Variants in KCNIP1 observed in about 807,000 individuals in gnomAD.
KCNIP1 encodes the protein potassium voltage-gated channel interacting protein 1.
A neutral mutation model predicts 33.0 loss-of-function variants in KCNIP1; 18 were observed. The ratio of observed to expected loss-of-function variants is 0.55; its 90% CI spans 0.38 to 0.81. The LOEUF (loss-of-function observed/expected upper bound fraction) is 0.81. Among genes scored for constraint, KCNIP1 ranks in the 30% least tolerant of loss-of-function variants. The pLI, the probability that KCNIP1 is intolerant of heterozygous loss-of-function variation, is 0.00. For missense variants in KCNIP1, 238 were observed against 271.6 expected (o/e 0.88, Z 0.87); for synonymous variants, 93 against 98.3 (o/e 0.95, Z 0.32).
rs200882539 is a variant in KCNIP1, at chr5:170,597,652, C to CG, written c.61+93019_61+93020insG. On this transcript the variant is annotated intron_variant, in intron 1 of 7. Coordinates refer to ENST00000328939, the MANE Select transcript of KCNIP1 (RefSeq NM_014592.4). ...CCTCAAGCAGATTCTCCTTGTCAGA[C>CG]AACACGGGAGGCAGTGTCATGGCTG... Among the ~76,000 whole-genome samples, 1,494 of 152,078 alleles carry CG rather than the reference C, an allele frequency of 9.8e-3. 23 individuals carry two copies. The highest frequency in any genetic ancestry group is 0.034 in the African/African-American group (1,394 of 41,436).
chr5:170,597,820 T>TATATATATATATATATATGAAA (rs1441774904), intron 1 of KCNIP1, among the ~76,000 whole-genome samples: 38 of 56,244 alleles, frequency 6.8e-4, no homozygotes, highest in South Asian at 1.3e-3. Flanking sequence ...TATATATATA[T>TATATATATATATATATATGAAA]ATATATATAT....
chr5:170,505,601 C>G (rs1754685950), intron 1 of KCNIP1, among the ~76,000 whole-genome samples: 2 of 152,202 alleles, frequency 1.3e-5, no homozygotes, highest in Non-Finnish European at 2.9e-5. Flanking sequence ...TCCTACCCTA[C>G]AGGCCTGATA....
rs186909158 is a variant in KCNIP1, at chr5:170,374,405, T to C, written c.88+20441T>C. Among the ~76,000 whole-genome samples the C allele has an allele frequency of 2.0e-5, 3 of 152,250 alleles. No individual in the cohort carries two copies. In the East Asian group the frequency reaches 5.8e-4, roughly 29 times the overall value. On this transcript the variant is annotated intron_variant, in intron 1 of 7. Coordinates refer to the KCNIP1 transcript ENST00000377360. ...TCCAGTCCTCTGAGATCTTCATAAA[T>C]AGAAGAAACCCTCATTTCTTTCCTC...
intron 1 of KCNIP1, among the ~76,000 whole-genome samples, chr5:170,688,497 C>T (rs1363440151): frequency 6.6e-6 from 1 of 152,196 alleles, no homozygotes. Flanking sequence ...CCCATTGCAG[C>T]AGGGATGCCA....
chr5:170,587,892 C>A (rs887108460), intron 1 of KCNIP1, among the ~76,000 whole-genome samples: 1 of 152,190 alleles, frequency 6.6e-6, no homozygotes, highest in Non-Finnish European at 1.5e-5. Flanking sequence ...ATGGGGGAAC[C>A]CACTACAGGC....
At chr5:170,633,994 T>G (rs11960632) in intron 1 of KCNIP1, among the ~76,000 whole-genome samples, 99,566 of 151,952 alleles carry the variant, frequency 0.66, 34,153 homozygotes, top group African/African-American at 0.87. Flanking sequence ...TCTGGCCAGG[T>G]TAGTGGCAGT....
chr5:170,634,234 GT>G (rs1276051456), intron 1 of KCNIP1, among the ~76,000 whole-genome samples: 1 of 152,218 alleles, frequency 6.6e-6, no homozygotes, highest in Non-Finnish European at 1.5e-5. Context: ...GACTTGTTAA[GT>G]TTGAGATGGC....
intron 1 of KCNIP1, among the ~76,000 whole-genome samples, chr5:170,583,748 G>A (rs1055367719): frequency 1.3e-5 from 2 of 152,096 alleles, no homozygotes; most frequent in East Asian, 1.9e-4. Flanking sequence ...GAAAAAGGGC[G>A]GTGAGAAACT....
intron 1 of KCNIP1, among the ~76,000 whole-genome samples, chr5:170,598,535 C>A (rs1000455775): frequency 6.6e-6 from 1 of 152,042 alleles, no homozygotes. Context: ...TAGAAGCAAA[C>A]CCCCAGAAAA....
At chr5:170,690,748 A>G (rs1236331322) in intron 1 of KCNIP1, among the ~76,000 whole-genome samples, 1 of 152,222 alleles carries the variant, frequency 6.6e-6, no homozygotes, top group Non-Finnish European at 1.5e-5. Flanking sequence ...TTAGAATTGA[A>G]TTACATCAGT....
chr5:170,578,237 T>G (rs1482558657), intron 1 of KCNIP1, among the ~76,000 whole-genome samples: 1 of 152,036 alleles, frequency 6.6e-6, no homozygotes, highest in Non-Finnish European at 1.5e-5. Flanking sequence ...CTGAGGAGAC[T>G]GAGAACAGTG....
intron 1 of KCNIP1, chr5:170,680,846 A>G (rs1762316280): frequency 2.7e-6 from 1 of 375,722 alleles, no homozygotes; most frequent in Non-Finnish European, 4.7e-6. Context: ...AGAGGAAATA[A>G]AAGCAAATAT....
Position 170,367,899 on chromosome 5 carries a change from G to A in KCNIP1, c.88+13935G>A, listed in dbSNP as rs1458886213. 3.3e-5 allele frequency among the ~76,000 whole-genome samples: 5 copies of A among 152,088 alleles called. No homozygotes were observed. In the South Asian group the frequency reaches 6.2e-4, roughly 19 times the overall value. On this transcript the variant is annotated intron_variant, in intron 1 of 7. Transcript: ENST00000377360. Reference sequence around the variant, plus strand: ...AGCAAATCATCACAGCTGTGCATACGGACTTTTATTTAGAGGTATTCATTA... The same window carrying A: ...AGCAAATCATCACAGCTGTGCATACAGACTTTTATTTAGAGGTATTCATTA...
rs1764234886 is a variant in KCNIP1 at position 170,381,412 on chromosome 5, C to T, written c.88+27448C>T. On this transcript the variant is annotated intron_variant, in intron 1 of 7. Transcript: ENST00000377360. ...GCTGAGGGCAGACTATGGCCCCTAC[C>T]TTCAGAGTTGGAGGGTGGGATGAGA... Among the ~76,000 whole-genome samples, 4 of 152,226 alleles carry T rather than the reference C, an allele frequency of 2.6e-5. No homozygotes were observed. The South Asian group carries it at 8.3e-4, about 32-fold the overall frequency.
chr5:170,720,451 C>A, intron 3 of KCNIP1, 61 bp downstream of exon 3: 2 of 1,258,072 alleles, frequency 1.6e-6, no homozygotes, highest in Non-Finnish European at 1.2e-6. Context: ...GCCTTCCCTT[C>A]CTCCAAGTCC....
intron 1 of KCNIP1, among the ~76,000 whole-genome samples, chr5:170,390,890 G>A (rs924586842): frequency 1.3e-5 from 2 of 152,104 alleles, no homozygotes; most frequent in Non-Finnish European, 2.9e-5. Flanking sequence ...CCTGCTGAGC[G>A]AGCTCACCAC....
intron 1 of KCNIP1, among the ~76,000 whole-genome samples, chr5:170,697,830 G>A (rs1762950126): frequency 6.6e-6 from 1 of 152,092 alleles, no homozygotes. Context: ...GCAGGTCTGG[G>A]TGTGGACCTT....
intron 1 of KCNIP1, among the ~76,000 whole-genome samples, chr5:170,709,724 T>A (rs577458895): frequency 9.2e-5 from 14 of 152,348 alleles, no homozygotes; most frequent in African/African-American, 3.1e-4. Flanking sequence ...CTCATTTTTT[T>A]AAAATGTTCA....
chr5:170,719,961 T>C (rs1301068117), intron 2 of KCNIP1, among the ~76,000 whole-genome samples: 1 of 152,182 alleles, frequency 6.6e-6, no homozygotes, highest in Non-Finnish European at 1.5e-5. Flanking sequence ...TAACATAGGT[T>C]CATAAGATAC....
Sources: allele counts gnomAD v4.1 joint callset (sites outside exome capture counted in the v4.1 genomes callset), GRCh38; gene constraint gnomAD v4.1.1; transcripts MANE v1.5; gene names NCBI Gene and HGNC (gene_info 2026-07-23, HGNC 2026-07-21).